Variants in TMEM178B observed in about 807,000 individuals in gnomAD.
TMEM178B encodes transmembrane protein 178B.
A neutral mutation model predicts 31.0 loss-of-function variants in TMEM178B; 5 were observed. That is an observed-to-expected ratio of 0.16 (90% CI 0.08 to 0.34). The LOEUF (loss-of-function observed/expected upper bound fraction) is 0.34. Ranked by LOEUF, TMEM178B falls within the 10% of genes least tolerant of loss-of-function variation. The pLI, the probability that TMEM178B is intolerant of heterozygous loss-of-function variation, is 1.00. For missense variants in TMEM178B, 275 were observed against 400.3 expected, an observed-to-expected ratio of 0.69 and a Z score of 2.67; for synonymous variants, 164 against 164.0, an observed-to-expected ratio of 1.00 and a Z score of 0.00.
chr7:141,456,338 A>AT (rs1417691449), intron 3 of TMEM178B, among the ~76,000 whole-genome samples: 1 of 152,114 alleles, frequency 6.6e-6, no homozygotes, highest in African/African-American at 2.4e-5. Context: ...AGATGAAGTG[A>AT]TTTGCCCACT....
intron 1 of TMEM178B, among the ~76,000 whole-genome samples, chr7:141,083,912 G>A (rs533064919): frequency 9.3e-5 from 14 of 150,448 alleles, no homozygotes; most frequent in Admixed American, 7.3e-4. Flanking sequence ...ACAGAGTCTC[G>A]CTCTTGTTGC....
intron 2 of TMEM178B, among the ~76,000 whole-genome samples, chr7:141,262,624 A>G (rs1228258011): frequency 6.6e-6 from 1 of 152,000 alleles, no homozygotes; most frequent in Non-Finnish European, 1.5e-5. Context: ...TACAGTATCC[A>G]GGGAGACAGC....
chr7:141,496,526 C>CCCGTCTCTACTAAA, the TMEM178B span, among the ~76,000 whole-genome samples: 8 of 148,964 alleles, frequency 5.4e-5, no homozygotes, highest in African/African-American at 2.1e-4. Flanking sequence ...AAAAATTAGC[C>CCCGTCTCTACTAAA]AGGTGTAGTG....
intron 1 of TMEM178B, among the ~76,000 whole-genome samples, chr7:141,128,327 C>T (rs930376882): frequency 6.6e-6 from 1 of 152,126 alleles, no homozygotes; most frequent in African/African-American, 2.4e-5. Context: ...TCTCTTTTCT[C>T]TTGCTTCCTT....
intron 2 of TMEM178B, among the ~76,000 whole-genome samples, chr7:141,299,098 T>G (rs1798682543): frequency 6.6e-6 from 1 of 152,118 alleles, no homozygotes; most frequent in Non-Finnish European, 1.5e-5. Flanking sequence ...CTCGTAGTGG[T>G]GGTGGTGGTG....
At chr7:141,485,648 G>C in the TMEM178B span, among the ~76,000 whole-genome samples, 1 of 152,200 alleles carries the variant, frequency 6.6e-6, no homozygotes. Flanking sequence ...CCTTCATAAA[G>C]AATACCAGTG....
At chr7:141,085,472 T>C (rs1410432243) in intron 1 of TMEM178B, among the ~76,000 whole-genome samples, 3 of 149,030 alleles carry the variant, frequency 2.0e-5, no homozygotes, top group African/African-American at 7.4e-5. Context: ...TTTCAATTGA[T>C]TTTTTTTTTG....
intron 1 of TMEM178B, among the ~76,000 whole-genome samples, chr7:141,148,621 C>A (rs1228671978): frequency 6.6e-6 from 1 of 152,174 alleles, no homozygotes; most frequent in African/African-American, 2.4e-5. Context: ...ACTTGAAAAT[C>A]AAGAAGCAGT....
chr7:141,163,028 C>T (rs865834125), intron 1 of TMEM178B, among the ~76,000 whole-genome samples: 2 of 152,212 alleles, frequency 1.3e-5, no homozygotes, highest in Admixed American at 6.5e-5. Context: ...TAACAACCAA[C>T]CACAAAGCCT....
chr7:141,329,055 G>A (rs1047364126), intron 2 of TMEM178B, among the ~76,000 whole-genome samples: 2 of 152,190 alleles, frequency 1.3e-5, no homozygotes, highest in African/African-American at 4.8e-5. Context: ...TTGCCCTTAG[G>A]TGTTCTTGGA....
At chr7:141,088,657 C>T (rs187226351) in intron 1 of TMEM178B, among the ~76,000 whole-genome samples, 151 of 152,234 alleles carry the variant, frequency 9.9e-4, no homozygotes, top group Non-Finnish European at 1.9e-3. Flanking sequence ...TCATCTTTTT[C>T]CTCCAGACTC....
chr7:141,489,935 C>T, the TMEM178B span, among the ~76,000 whole-genome samples: 2 of 152,222 alleles, frequency 1.3e-5, no homozygotes, highest in African/African-American at 4.8e-5. Context: ...GAAGAGAGCA[C>T]ACAGGAAGCA....
At chr7:141,157,385 G>A (rs1036509848) in intron 1 of TMEM178B, among the ~76,000 whole-genome samples, 1 of 151,926 alleles carries the variant, frequency 6.6e-6, no homozygotes. Context: ...AAGAAGCATA[G>A]CAAAGCAAAA....
intron 1 of TMEM178B, among the ~76,000 whole-genome samples, chr7:141,150,346 C>G (rs1052540589): frequency 6.6e-6 from 1 of 152,124 alleles, no homozygotes; most frequent in African/African-American, 2.4e-5. Flanking sequence ...CAATTTTTCC[C>G]CCACAGCTAC....
chr7:141,382,797 CACAA>C (rs1800343052), intron 2 of TMEM178B, among the ~76,000 whole-genome samples: 2 of 152,184 alleles, frequency 1.3e-5, no homozygotes, highest in African/African-American at 4.8e-5. Context: ...GATTCAGTCC[CACAA>C]ACAAACCTCA....
chr7:141,304,799 C>G (rs1451472937), intron 2 of TMEM178B, among the ~76,000 whole-genome samples: 1 of 152,106 alleles, frequency 6.6e-6, no homozygotes, highest in Non-Finnish European at 1.5e-5. Context: ...CTCTTCAATA[C>G]CTTCATCTCT....
chr7:141,283,358 A>G lies in TMEM178B; in HGVS notation c.496+70654A>G, dbSNP rs564319192. Among the ~76,000 whole-genome samples, 4 of 152,334 alleles carry G rather than the reference A, an allele frequency of 2.6e-5. No homozygotes were observed. In the South Asian group the frequency reaches 6.2e-4, roughly 24 times the overall value. On this transcript the variant is annotated intron_variant, in intron 2 of 3. Transcript: ENST00000565468. Reference sequence around the variant, plus strand: ...AGTGACCAGTGGGAATGAAGATATCAGTCTTCCAGACTGGGGAAGCAGACG... The same window carrying G: ...AGTGACCAGTGGGAATGAAGATATCGGTCTTCCAGACTGGGGAAGCAGACG...
rs191104609 is a variant in TMEM178B, at chr7:141,382,224, G to A, written c.497-55384G>A. Among the ~76,000 whole-genome samples the A allele has an allele frequency of 2.7e-3, 407 of 152,226 alleles. 4 individuals are homozygous for A. Among genetic ancestry groups the A allele is most frequent in the African/African-American group, 9.1e-3 (377 of 41,538 alleles). ...CAAAAGCCCAAAGATGTCCTATTAC[G>A]CTTAGGTCAATATCCAGACTCCTCA... On this transcript the variant is annotated intron_variant, in intron 2 of 3. Transcript: ENST00000565468.
At chr7:141,294,764 T>C (rs921615900) in intron 2 of TMEM178B, among the ~76,000 whole-genome samples, 7 of 152,124 alleles carry the variant, frequency 4.6e-5, no homozygotes, top group Admixed American at 6.5e-5. Context: ...AGAGAGAAAG[T>C]ACATCCTGAA....
Sources: gnomAD v4.1 joint callset for allele counts (sites outside exome capture counted in the v4.1 genomes callset) on GRCh38, gnomAD v4.1.1 for gene constraint, MANE v1.5 for transcripts, NCBI Gene and HGNC (gene_info 2026-07-23, HGNC 2026-07-21) for gene names.